Variants in ANKRD6 observed in about 807,000 individuals in gnomAD.
ANKRD6 encodes ankyrin repeat domain-containing protein 6.
ANKRD6 carries 56 observed loss-of-function variants against 82.3 expected under a neutral mutation model. That is an observed-to-expected ratio of 0.68 (90% CI 0.55 to 0.85). The LOEUF (loss-of-function observed/expected upper bound fraction) is 0.85, where lower values mean the gene tolerates loss of function less well. Among genes scored for constraint, ANKRD6 ranks in the 40% least tolerant of loss-of-function variants. The probability of loss-of-function intolerance (pLI) is 0.00; values close to 1 mark genes in which losing one functional copy is unlikely to be tolerated. For synonymous variants in ANKRD6, 347 were observed against 352.1 expected (o/e 0.99, Z 0.16); for missense variants, 852 against 907.6 (o/e 0.94, Z 0.79).
chr6:89,444,389 C>G (rs543793143), intron 1 of ANKRD6, among the ~76,000 whole-genome samples: 13 of 152,256 alleles, frequency 8.5e-5, no homozygotes, highest in African/African-American at 2.9e-4. Context: ...ATGAAAGAAC[C>G]TCACATCTCC....
At chr6:89,468,182 A>C (rs1775057958) in intron 1 of ANKRD6, among the ~76,000 whole-genome samples, 1 of 152,240 alleles carries the variant, frequency 6.6e-6, no homozygotes, top group Admixed American at 6.5e-5. Flanking sequence ...AGTTCCGGTC[A>C]GAGAGTCTAA....
At position 89,623,448 on chromosome 6, in the gene ANKRD6, G is replaced by A. The variant is rs1214541075; in HGVS notation, c.936G>A (p.Gln312=). 1.2e-6 allele frequency: 2 copies of A among 1,611,414 alleles called. No individual in the cohort carries two copies. The highest frequency in any genetic ancestry group is 2.2e-5 in the South Asian group (2 of 90,428). Reference sequence around the variant, plus strand: ...CAGGAGACACCCCCAGCAGTGAACAGGCTGTGGCCAGAAAAGAAGAAGCCA... The same window carrying A: ...CAGGAGACACCCCCAGCAGTGAACAAGCTGTGGCCAGAAAAGAAGAAGCCA... ...VSAGDTPSSE[Q]AVARKEEARE... The change falls in exon 11 of 16, where the codon CAG becomes CAA. Residue 312 remains glutamine, a synonymous_variant. Transcript: ENST00000339746.
intron 1 of ANKRD6, among the ~76,000 whole-genome samples, chr6:89,497,763 A>T (rs934542381): frequency 5.3e-5 from 8 of 152,156 alleles, no homozygotes; most frequent in African/African-American, 1.7e-4. Context: ...ATAACTATGC[A>T]GTTTGGTGAT....
intron 1 of ANKRD6, among the ~76,000 whole-genome samples, chr6:89,532,935 G>A (rs879614696): frequency 4.6e-5 from 7 of 150,628 alleles, no homozygotes; most frequent in South Asian, 2.1e-4. Flanking sequence ...AGCCAGTGGC[G>A]TGATCTTGGC....
At chr6:89,439,413 C>T (rs766902522) in intron 1 of ANKRD6, among the ~76,000 whole-genome samples, 20 of 151,950 alleles carry the variant, frequency 1.3e-4, no homozygotes, top group Non-Finnish European at 2.8e-4. Context: ...TACTTATTTG[C>T]TCTTAAGGGA....
intron 1 of ANKRD6, among the ~76,000 whole-genome samples, chr6:89,541,463 G>A (rs1348715629): frequency 8.4e-6 from 1 of 119,688 alleles, no homozygotes; most frequent in African/African-American, 3.2e-5. Flanking sequence ...CGCTATCTCC[G>A]CTCACTGCAG....
At chr6:89,595,095 G>A (rs1294661255) in intron 2 of ANKRD6, among the ~76,000 whole-genome samples, 1 of 152,102 alleles carries the variant, frequency 6.6e-6, no homozygotes, top group East Asian at 1.9e-4. Context: ...CAGTCATGGT[G>A]GCTCATGCCT....
At chr6:89,609,920 T>A (rs1203595592) in intron 5 of ANKRD6, among the ~76,000 whole-genome samples, 1 of 152,146 alleles carries the variant, frequency 6.6e-6, no homozygotes, top group African/African-American at 2.4e-5. Context: ...AGAAATTGTT[T>A]CTGTGTAAAT....
At chr6:89,545,376 A>AC (rs1397852047) in intron 1 of ANKRD6, among the ~76,000 whole-genome samples, 1 of 152,120 alleles carries the variant, frequency 6.6e-6, no homozygotes, top group East Asian at 1.9e-4. Context: ...CTGGGTTGTG[A>AC]CAGTGGTTTC....
intron 8 of ANKRD6, 103 bp from the exon 9 acceptor site, chr6:89,617,851 T>C: frequency 9.3e-7 from 1 of 1,079,710 alleles, no homozygotes; most frequent in Non-Finnish European, 1.4e-6. Flanking sequence ...TGGGTGTGAC[T>C]GGGTGTGGAA....
At chr6:89,467,358 C>T (rs996074477) in intron 1 of ANKRD6, among the ~76,000 whole-genome samples, 9 of 152,098 alleles carry the variant, frequency 5.9e-5, no homozygotes, top group African/African-American at 2.2e-4. Context: ...ACACCAAGTA[C>T]TTGTTGGTAA....
At position 89,532,754 on chromosome 6, in the gene ANKRD6, T is replaced by A. The variant is rs552225322; in HGVS notation, c.-143-34080T>A. Reference sequence around the variant, plus strand: ...TCTCACTCTGTCACCGAAGTTGGAGTGCAATGGCACGATCTTGGCTCACTT... The same window carrying A: ...TCTCACTCTGTCACCGAAGTTGGAGAGCAATGGCACGATCTTGGCTCACTT... On this transcript the variant is annotated intron_variant, in intron 1 of 15. Transcript: ENST00000339746. Among the ~76,000 whole-genome samples the A allele has an allele frequency of 7.9e-5, 12 of 152,106 alleles. No homozygotes were observed. The East Asian group carries it at 2.3e-3, about 29-fold the overall frequency.
chr6:89,526,360 A>T (rs1369820808), intron 1 of ANKRD6, among the ~76,000 whole-genome samples: 1 of 152,190 alleles, frequency 6.6e-6, no homozygotes, highest in Non-Finnish European at 1.5e-5. Flanking sequence ...TGAGCCTTCC[A>T]TTCCCTCCTT....
At chr6:89,454,881 C>A (rs1157170437) in intron 1 of ANKRD6, among the ~76,000 whole-genome samples, 3 of 152,180 alleles carry the variant, frequency 2.0e-5, no homozygotes, top group Non-Finnish European at 4.4e-5. Flanking sequence ...TACTCTGTCA[C>A]CCAGGCTGAT....
At chr6:89,579,190 A>T (rs113068355) in intron 2 of ANKRD6, among the ~76,000 whole-genome samples, 2,055 of 152,378 alleles carry the variant, frequency 0.013, 55 homozygotes, top group African/African-American at 0.048. Flanking sequence ...TTGAGGAAAT[A>T]ACTTTGTGCA....
intron 1 of ANKRD6, among the ~76,000 whole-genome samples, chr6:89,548,664 T>C (rs760427486): frequency 1.3e-5 from 2 of 152,254 alleles, no homozygotes; most frequent in African/African-American, 2.4e-5. Context: ...AAGGCAGTGC[T>C]GTAGAAGCCC....
intron 1 of ANKRD6, among the ~76,000 whole-genome samples, chr6:89,531,790 A>C (rs1377428325): frequency 6.6e-6 from 1 of 152,264 alleles, no homozygotes; most frequent in Non-Finnish European, 1.5e-5. Context: ...TTCTCCTACA[A>C]AAAAGGCCAA....
intron 1 of ANKRD6, among the ~76,000 whole-genome samples, chr6:89,508,241 C>G (rs1322416955): frequency 1.3e-5 from 2 of 152,188 alleles, no homozygotes; most frequent in Admixed American, 6.5e-5. Flanking sequence ...AGGTTGCAGT[C>G]TAAGACATTG....
chr6:89,544,743 CA>C (rs1020323051), intron 1 of ANKRD6, among the ~76,000 whole-genome samples: 2 of 151,704 alleles, frequency 1.3e-5, no homozygotes, highest in African/African-American at 4.8e-5. Context: ...AAAAAACAAA[CA>C]AAAAAACCAG....
Sources: allele counts gnomAD v4.1 joint callset (sites outside exome capture counted in the v4.1 genomes callset), GRCh38; gene constraint gnomAD v4.1.1; transcripts MANE v1.5; gene names NCBI Gene and HGNC (gene_info 2026-07-23, HGNC 2026-07-21).